Variants in PPP1R10 observed in about 807,000 individuals in gnomAD.
PPP1R10 encodes serine/threonine-protein phosphatase 1 regulatory subunit 10.
In PPP1R10, 15 loss-of-function variants were observed where a neutral mutation model predicts 99.0. The observed-to-expected ratio is 0.15, with a 90% CI of 0.10 to 0.23. The LOEUF (loss-of-function observed/expected upper bound fraction) is 0.23. Among genes scored for constraint, PPP1R10 ranks in the 10% least tolerant of loss-of-function variants. PPP1R10 has a pLI of 1.00. For missense variants in PPP1R10, 947 were observed against 1,259.4 expected, an observed-to-expected ratio of 0.75 and a Z score of 3.75; for synonymous variants, 430 against 449.5, an observed-to-expected ratio of 0.96 and a Z score of 0.55.
intron 5 of PPP1R10, 55 bp downstream of exon 5, chr6:30,608,724 C>T: frequency 6.4e-7 from 1 of 1,563,374 alleles, no homozygotes; most frequent in East Asian, 2.3e-5. Context: ...TTGAGTTTTT[C>T]ATCCATTAGA....
In PPP1R10 at chr6:30,602,100, C is replaced by A. The variant is rs1280738568; in HGVS notation, c.2549G>T (p.Gly850Val). 12 of 1,597,350 alleles carry A rather than the reference C, an allele frequency of 7.5e-6. No homozygotes were observed. The highest frequency in any genetic ancestry group is 1.3e-5 in the African/African-American group (1 of 74,918). Reference protein sequence around the residue: ...GGSGGHRPHEGPGHGGPHGHR... With the variant: ...GGSGGHRPHEVPGHGGPHGHR... ...GCCATGGGGCCCCCCGTGTCCAGGG[C>A]CTTCATGGGGACGATGTCCACCACT... The change falls in exon 19 of 20, where the codon GGC (glycine) becomes GTC (valine). Residue 850 changes from glycine (G) to valine (V), a missense_variant. Physicochemically the swap from Gly to Val is moderately radical, Grantham distance 109 (BLOSUM62 -3). Around this residue, in one of 10 missense-constraint regions of PPP1R10, gnomAD observed 525 missense variants for 578.8 expected, o/e 0.91. Coordinates refer to ENST00000376511, the MANE Select transcript of PPP1R10 (RefSeq NM_002714.4). The surrounding 1 kb of genome is among the most constrained non-coding windows in gnomAD (Gnocchi z 6.7).
At chr6:30,614,071 A>T (rs552815218) in intron 2 of PPP1R10, among the ~76,000 whole-genome samples, 3 of 152,276 alleles carry the variant, frequency 2.0e-5, no homozygotes, top group Admixed American at 2.0e-4. Flanking sequence ...TTAAAAATTA[A>T]AATTATATGG....
chr6:30,609,817 C>CA lies in PPP1R10; in HGVS notation c.107+20dup. On this transcript the variant is annotated intron_variant, in intron 3 of 19. Coordinates refer to ENST00000376511, the MANE Select transcript of PPP1R10 (RefSeq NM_002714.4). The surrounding 1 kb of genome is among the most constrained non-coding windows in gnomAD (Gnocchi z 4.5). ...CAATATTCTCTACTCACAGTGAATA[C>CA]AAAAAGGGGTAAAGACTCACCTGAA... is the stretch of plus-strand genomic sequence containing the variant. 6.3e-7 allele frequency: 1 copy of CA among 1,584,938 alleles called. No individual in the cohort carries two copies. The highest frequency in any genetic ancestry group is 8.7e-7 in the Non-Finnish European group (1 of 1,153,476).
chr6:30,607,783 G>A, intron 6 of PPP1R10, 57 bp downstream of exon 6: 2 of 1,528,646 alleles, frequency 1.3e-6, no homozygotes, highest in East Asian at 2.3e-5. Flanking sequence ...AGATATTAAG[G>A]TAATTAAGTG....
intron 2 of PPP1R10, 149 bp from the exon 3 acceptor site, chr6:30,610,104 C>T (rs947612285): frequency 3.2e-6 from 2 of 623,980 alleles, no homozygotes; most frequent in South Asian, 2.0e-5. Flanking sequence ...TATGAAAAAT[C>T]GACACAGACC....
At chr6:30,607,686 G>A (rs1233111549) in intron 6 of PPP1R10, among the ~76,000 whole-genome samples, 154 bp downstream of exon 6, 1 of 152,188 alleles carries the variant, frequency 6.6e-6, no homozygotes, top group Non-Finnish European at 1.5e-5. Flanking sequence ...GAGGGTACAG[G>A]TTAGAGGAAC....
intron 19 of PPP1R10, 98 bp from the exon 20 acceptor site, chr6:30,601,756 G>T: frequency 7.3e-7 from 1 of 1,366,330 alleles, no homozygotes; most frequent in Non-Finnish European, 1.0e-6. Context: ...CTGTCTTTCA[G>T]AGACAATCTT....
chr6:30,610,881 G>A (rs1280604828), intron 2 of PPP1R10, among the ~76,000 whole-genome samples: 1 of 152,186 alleles, frequency 6.6e-6, no homozygotes, highest in Non-Finnish European at 1.5e-5. Context: ...AGGTTGGGAA[G>A]GGAATTAGTT....
intron 14 of PPP1R10, 61 bp from the exon 15 acceptor site, chr6:30,603,904 C>G: frequency 6.6e-7 from 1 of 1,522,298 alleles, no homozygotes; most frequent in Non-Finnish European, 8.8e-7. Flanking sequence ...AATTCAGACC[C>G]TGAAAGTAAT....
intron 5 of PPP1R10, 121 bp downstream of exon 5, chr6:30,608,658 A>T: frequency 1.6e-6 from 2 of 1,260,284 alleles, no homozygotes; most frequent in African/African-American, 1.5e-5. Context: ...CTAAATTCCT[A>T]TTTTTTTTCT....
Position 30,606,597 on chromosome 6 carries a change from T to C in PPP1R10, c.505A>G (p.Thr169Ala). ...TCTGTCAAAGGTCGCTCAGGAAGGG[T>C]AGTTCGACTTTTTCCTTCATCTTTA... ...KRKDEGKSRT[T>A]LPERPLTEVK... Residue 169 changes from threonine to alanine, a missense_variant, in exon 8 of 20, where the codon ACC (threonine) becomes GCC (alanine). Transcript: ENST00000376511. This position sits in a 1 kb window ranked among gnomAD's most constrained non-coding sequence, Gnocchi z 6.3. The C allele has an allele frequency of 6.2e-7, 1 of 1,614,132 alleles. No individual in the cohort carries two copies. The highest frequency in any genetic ancestry group is 8.5e-7 in the Non-Finnish European group (1 of 1,180,014).
rs1029720466 is a variant in PPP1R10 at position 30,616,684 on chromosome 6, A to G, written c.-218T>C. 1 of 152,146 alleles carries G rather than the reference A, an allele frequency of 6.6e-6. No individual in the cohort carries two copies. The highest frequency in any genetic ancestry group is 2.4e-5 in the African/African-American group (1 of 41,412). 9.4% of individuals were successfully genotyped at this position (152,146 alleles called of 1,614,324 possible). A position where few individuals can be genotyped will look rare whatever the true frequency, so the allele number is the denominator to read the frequency against. ...TCCATTTAGGGAGGGGGGTCGCAGA[A>G]AAAAGTTCTGAGTGGATTCAAAAAA... On this transcript the variant is annotated 5_prime_UTR_variant, in exon 2 of 20. Coordinates refer to ENST00000376511, the MANE Select transcript of PPP1R10 (RefSeq NM_002714.4).
At position 30,602,347 on chromosome 6, in the gene PPP1R10, G is replaced by A. The variant is rs761716648; in HGVS notation, c.2302C>T (p.Arg768Cys). ...GGGMGNSSGH[R>C]PHEGPGGGMG... ...CCACCGCCAGGGCCTTCGTGGGGAC[G>A]ATGTCCACTGCTGTTGCCCATGCCC... Residue 768 changes from arginine to cysteine, a missense_variant, in exon 19 of 20, where the codon CGT (arginine) becomes TGT (cysteine). This residue lies in a region of PPP1R10 where 525 missense variants were observed against 578.8 expected (regional missense o/e 0.91). Coordinates refer to ENST00000376511, the MANE Select transcript of PPP1R10 (RefSeq NM_002714.4). This position sits in a 1 kb window ranked among gnomAD's most constrained non-coding sequence, Gnocchi z 6.7. The A allele has an allele frequency of 1.1e-5, 17 of 1,612,502 alleles. No individual in the cohort carries two copies. Among genetic ancestry groups the A allele is most frequent in the Non-Finnish European group, 1.3e-5 (15 of 1,179,852 alleles).
intron 2 of PPP1R10, among the ~76,000 whole-genome samples, chr6:30,613,931 C>G (rs1804811102): frequency 1.3e-5 from 2 of 152,212 alleles, no homozygotes; most frequent in African/African-American, 4.8e-5. Context: ...CCCATCCAAT[C>G]CAGAAGCTTA....
At chr6:30,614,301 A>G (rs115514325) in intron 2 of PPP1R10, among the ~76,000 whole-genome samples, 6,735 of 145,870 alleles carry the variant, frequency 0.046, 274 homozygotes, top group African/African-American at 0.11. Context: ...CTCTTTGGGG[A>G]AAAAAAAAAA....
Position 30,613,193 on chromosome 6 carries a change from G to A in PPP1R10, c.-11-3238C>T, listed in dbSNP as rs113309954. Among the ~76,000 whole-genome samples the A allele has an allele frequency of 3.5e-4, 54 of 152,276 alleles. 1 individual carries two copies. Among genetic ancestry groups the A allele is most frequent in the African/African-American group, 1.3e-3 (53 of 41,562 alleles). On this transcript the variant is annotated intron_variant, in intron 2 of 19. Coordinates refer to ENST00000376511, the MANE Select transcript of PPP1R10 (RefSeq NM_002714.4). Reference sequence around the variant, plus strand: ...CCTGCCTTCAAAATGAATTTTACTTGAGGGTTATTCAATTAAATAGGGTGA... The same window carrying A: ...CCTGCCTTCAAAATGAATTTTACTTAAGGGTTATTCAATTAAATAGGGTGA...
Position 30,609,388 on chromosome 6 carries a change from T to A in PPP1R10, c.108-225A>T, listed in dbSNP as rs1012193146. Among the ~76,000 whole-genome samples the A allele has an allele frequency of 6.6e-6, 1 of 152,154 alleles. No individual in the cohort carries two copies. Among genetic ancestry groups the A allele is most frequent in the Admixed American group, 6.5e-5 (1 of 15,284 alleles). ...TCTGACCTGGGGAGGAGAGCATCGC[T>A]GCCTCCGTAACACACAGGATGAATT... On this transcript the variant is annotated intron_variant, in intron 3 of 19. Transcript: ENST00000376511. The surrounding 1 kb of genome is among the most constrained non-coding windows in gnomAD (Gnocchi z 4.5).
rs1391868229 is a variant in PPP1R10, at chr6:30,609,465, T to TATCCCCCAACAA, written c.108-303_108-302insTTGTTGGGGGAT. On this transcript the variant is annotated intron_variant, in intron 3 of 19. Transcript: ENST00000376511. The surrounding 1 kb of genome is among the most constrained non-coding windows in gnomAD (Gnocchi z 4.5). Reference sequence around the variant, plus strand: ...ATCCCTCAACAACTGTCCCTAATAGTCTGTTCAAGACTGGCTTAGTTATTT... The same window carrying TATCCCCCAACAA: ...ATCCCTCAACAACTGTCCCTAATAGTATCCCCCAACAACTGTTCAAGACTGGCTTAGTTATTT... Among the ~76,000 whole-genome samples, 3 of 152,122 alleles carry TATCCCCCAACAA rather than the reference T, an allele frequency of 2.0e-5. No individual in the cohort carries two copies. Among genetic ancestry groups the TATCCCCCAACAA allele is most frequent in the Non-Finnish European group, 4.4e-5 (3 of 68,026 alleles).
rs890043948 is a variant in PPP1R10, at chr6:30,602,628, C to T, written c.2021G>A (p.Arg674Gln). 2.5e-6 allele frequency: 4 copies of T among 1,591,826 alleles called. No individual in the cohort carries two copies. Among genetic ancestry groups the T allele is most frequent in the Non-Finnish European group, 3.4e-6 (4 of 1,171,664 alleles). ...PRLLGPPPPPRGGDPFWDGPG... is the reference protein window; with the variant it reads ...PRLLGPPPPPQGGDPFWDGPG... ...GCCATCCCAGAAGGGATCACCTCCC[C>T]GGGGAGGGGGTGGAGGACCCAGAAG... Residue 674 changes from arginine to glutamine, a missense_variant, in exon 19 of 20, where the codon CGG (arginine) becomes CAG (glutamine). Arg to Gln is a conservative substitution (Grantham distance 43). Around this residue, in one of 10 missense-constraint regions of PPP1R10, gnomAD observed 525 missense variants for 578.8 expected, o/e 0.91. Transcript: ENST00000376511. This position sits in a 1 kb window ranked among gnomAD's most constrained non-coding sequence, Gnocchi z 6.7.
Sources: gnomAD v4.1 joint callset for allele counts (sites outside exome capture counted in the v4.1 genomes callset) on GRCh38, gnomAD v4.1.1 for gene constraint, gnomAD v4.1.1 regional missense constraint, Gnocchi (gnomAD v3.1) non-coding constraint, MANE v1.5 for transcripts, NCBI Gene and HGNC (gene_info 2026-07-23, HGNC 2026-07-21) for gene names.